The following PTPRM variants were observed in gnomAD, a reference collection of about 807,000 sequenced individuals.
The protein encoded by PTPRM is protein tyrosine phosphatase receptor type M, also known as receptor-type tyrosine-protein phosphatase mu.
In PTPRM, 47 loss-of-function variants were observed where a neutral mutation model predicts 186.7. That is an observed-to-expected ratio of 0.25 (90% CI 0.20 to 0.32). PTPRM has a LOEUF of 0.32. PTPRM is among the 10% of genes least tolerant of loss of function. The pLI is 1.00. For missense variants in PTPRM, 1,494 were observed against 1,865.0 expected (o/e 0.80, Z 3.66); for synonymous variants, 668 against 674.9 (o/e 0.99, Z 0.16).
At chr18:7,629,147 C>T (rs2144056251) in intron 1 of PTPRM, among the ~76,000 whole-genome samples, 1 of 152,274 alleles carries the variant, frequency 6.6e-6, no homozygotes, top group South Asian at 2.1e-4. Context: ...CCAATCATGT[C>T]ATATGAGGGC....
At chr18:8,078,158 C>G (rs146028253) in intron 9 of PTPRM, among the ~76,000 whole-genome samples, 363 of 152,276 alleles carry the variant, frequency 2.4e-3, no homozygotes, top group Non-Finnish European at 4.0e-3. Flanking sequence ...TTCTCCCTTT[C>G]CCATGTTTTC....
At chr18:7,734,679 C>G (rs1010861761) in intron 1 of PTPRM, among the ~76,000 whole-genome samples, 1 of 152,136 alleles carries the variant, frequency 6.6e-6, no homozygotes, top group African/African-American at 2.4e-5. Flanking sequence ...AATTTTACTA[C>G]TCCTTGAAAA....
At chr18:8,333,708 T>G (rs2095423784) in intron 22 of PTPRM, among the ~76,000 whole-genome samples, 2 of 152,192 alleles carry the variant, frequency 1.3e-5, no homozygotes, top group Non-Finnish European at 2.9e-5. Context: ...TCTTCTGTGG[T>G]TAAGTCCCAC....
intron 14 of PTPRM, among the ~76,000 whole-genome samples, chr18:8,240,462 A>AGAGAGAGAGAGG (rs370263978): frequency 1.6e-5 from 1 of 62,012 alleles, no homozygotes; most frequent in Non-Finnish European, 2.9e-5. Flanking sequence ...AGAGAGAGAG[A>AGAGAGAGAGAGG]GAGGGAGGGA....
chr18:7,954,878 A>T (rs1454904397), intron 6 of PTPRM, among the ~76,000 whole-genome samples: 1 of 152,194 alleles, frequency 6.6e-6, no homozygotes, highest in Non-Finnish European at 1.5e-5. Flanking sequence ...GGTGTCCTAA[A>T]ACAAATTAGG....
At chr18:8,046,499 GC>G (rs1210827820) in intron 7 of PTPRM, among the ~76,000 whole-genome samples, 3 of 152,146 alleles carry the variant, frequency 2.0e-5, no homozygotes, top group Admixed American at 6.5e-5. Flanking sequence ...TCCTGTGTCA[GC>G]ACTGTTGCGT....
chr18:8,340,959 G>C (rs981150150), intron 22 of PTPRM, among the ~76,000 whole-genome samples: 1 of 152,190 alleles, frequency 6.6e-6, no homozygotes, highest in Admixed American at 6.5e-5. Flanking sequence ...AGCTAGGATT[G>C]TACTGTGGTT....
At chr18:7,677,894 A>C (rs1271938367) in intron 1 of PTPRM, among the ~76,000 whole-genome samples, 1 of 151,834 alleles carries the variant, frequency 6.6e-6, no homozygotes, top group Admixed American at 6.6e-5. Context: ...CACCTATCCT[A>C]TTAGATATCT....
intron 2 of PTPRM, among the ~76,000 whole-genome samples, chr18:7,808,010 A>G (rs1475424427): frequency 6.6e-6 from 1 of 152,080 alleles, no homozygotes; most frequent in Non-Finnish European, 1.5e-5. Flanking sequence ...CCTGCTGTCC[A>G]AGGAAGACGA....
chr18:7,969,544 A>C (rs2054386940), intron 7 of PTPRM, among the ~76,000 whole-genome samples: 1 of 149,694 alleles, frequency 6.7e-6, no homozygotes, highest in African/African-American at 2.5e-5. Context: ...GGTTCAACAA[A>C]ATTGATAGAC....
intron 11 of PTPRM, among the ~76,000 whole-genome samples, chr18:8,105,283 T>A (rs2145597795): frequency 6.6e-6 from 1 of 152,298 alleles, no homozygotes; most frequent in South Asian, 2.1e-4. Context: ...CCACCCCACC[T>A]GCTTTTAAGT....
intron 7 of PTPRM, among the ~76,000 whole-genome samples, chr18:8,064,802 A>G (rs1276228043): frequency 6.6e-6 from 1 of 152,228 alleles, no homozygotes; most frequent in African/African-American, 2.4e-5. Context: ...GTTGCTGCCT[A>G]GGAATACTGA....
At chr18:8,390,538 A>G (rs944457800) in intron 31 of PTPRM, among the ~76,000 whole-genome samples, 5 of 152,214 alleles carry the variant, frequency 3.3e-5, no homozygotes, top group African/African-American at 9.7e-5. Context: ...CTCGGCCACA[A>G]TGTCGAAGAA....
rs1309124211 is a variant in PTPRM, at chr18:7,856,166, A to G, written c.197-31940A>G. On this transcript the variant is annotated intron_variant, in intron 2 of 32. Transcript: ENST00000580170. The stretch of plus-strand genomic sequence containing the variant: ...CATTCTAGATTCCCTTCTATTTTCC[A>G]TGGGAATGGAAGAGGCTTCTGAAGC... 3.3e-5 allele frequency among the ~76,000 whole-genome samples: 5 copies of G among 151,984 alleles called. No individual in the cohort carries two copies. The East Asian group carries it at 7.7e-4, about 23-fold the overall frequency.
At chr18:7,612,967 C>T (rs2037713103) in intron 1 of PTPRM, among the ~76,000 whole-genome samples, 6 of 152,142 alleles carry the variant, frequency 3.9e-5, no homozygotes. Flanking sequence ...TCTCCATGAA[C>T]AGTTTATAGG....
intron 28 of PTPRM, 146 bp downstream of exon 28, chr18:8,379,486 T>G: frequency 1.1e-6 from 1 of 903,508 alleles, no homozygotes; most frequent in Non-Finnish European, 1.6e-6. Flanking sequence ...AGATTTCAGA[T>G]TCCACGTATG....
intron 1 of PTPRM, among the ~76,000 whole-genome samples, chr18:7,588,968 G>T (rs2037054116): frequency 6.6e-6 from 1 of 152,172 alleles, no homozygotes; most frequent in African/African-American, 2.4e-5. Context: ...TCCTGCCTCA[G>T]CCTCTTGAGT....
At chr18:7,990,940 T>C (rs2083236527) in intron 7 of PTPRM, among the ~76,000 whole-genome samples, 1 of 152,152 alleles carries the variant, frequency 6.6e-6, no homozygotes, top group South Asian at 2.1e-4. Context: ...CTATAGCTAA[T>C]GGAGGTCTTG....
chr18:7,737,526 T>C (rs567106052), intron 1 of PTPRM, among the ~76,000 whole-genome samples: 1 of 152,350 alleles, frequency 6.6e-6, no homozygotes, highest in East Asian at 1.9e-4. Flanking sequence ...TTTGTTCCCA[T>C]AGATTAGACA....
Sources: allele counts gnomAD v4.1 joint callset (sites outside exome capture counted in the v4.1 genomes callset), GRCh38; gene constraint gnomAD v4.1.1; transcripts MANE v1.5; gene names NCBI Gene and HGNC (gene_info 2026-07-23, HGNC 2026-07-21).